RAB27A: variants seen among roughly 807,000 people sequenced by gnomAD.
The protein encoded by RAB27A is ras-related protein Rab-27A.
A neutral mutation model predicts 20.8 loss-of-function variants in RAB27A; 17 were observed. The observed-to-expected ratio is 0.82, with a 90% CI of 0.56 to 1.23. The LOEUF is 1.23. RAB27A is among the 50% of genes most tolerant of loss of function. The pLI is 0.00. For synonymous variants in RAB27A, 85 were observed against 92.8 expected, an observed-to-expected ratio of 0.92 and a Z score of 0.48; for missense variants, 277 against 266.7, an observed-to-expected ratio of 1.04 and a Z score of -0.27.
At chr15:55,221,043 C>G (rs967231610) in intron 6 of RAB27A, among the ~76,000 whole-genome samples, 1 of 152,140 alleles carries the variant, frequency 6.6e-6, no homozygotes, top group Non-Finnish European at 1.5e-5. Flanking sequence ...ACCATCGTGA[C>G]CTGGGCACAG....
chr15:55,319,118 A>G (rs2055100532), upstream of RAB27A: 2 of 1,078,768 alleles, frequency 1.9e-6, no homozygotes, highest in Non-Finnish European at 2.6e-6. Context: ...GTCGGGTGGG[A>G]GCTACGAAGT....
intron 1 of RAB27A, among the ~76,000 whole-genome samples, chr15:55,287,152 T>A (rs1898178587): frequency 6.6e-6 from 1 of 151,994 alleles, no homozygotes; most frequent in South Asian, 2.1e-4. Flanking sequence ...ACTCCTGACC[T>A]CACGTGATCC....
rs113795920 is a variant in RAB27A, at chr15:55,230,307, T to C, written c.239+94A>G. On this transcript the variant is annotated intron_variant, in intron 4 of 6. Coordinates refer to ENST00000336787, the MANE Select transcript of RAB27A (RefSeq NM_183235.3). ...CAGCATTCAAGTGCAAACCAACGAATTGGCTGGCTTTTTCCTGCTCAGGTC... is the reference window on the plus strand; with the variant it reads ...CAGCATTCAAGTGCAAACCAACGAACTGGCTGGCTTTTTCCTGCTCAGGTC... The C allele has an allele frequency of 9.2e-4, 1,130 of 1,227,510 alleles. 10 individuals are homozygous for C. The African/African-American group carries it at 0.014, about 15-fold the overall frequency. The allele number at this position is 1,227,510 out of a possible 1,614,324, so 76.0% of individuals were successfully genotyped here. A position where few individuals can be genotyped will look rare whatever the true frequency, so the allele number is the denominator to read the frequency against.
In RAB27A at chr15:55,307,188, G is replaced by A. The variant is rs1228470107; in HGVS notation, c.-112+6851C>T. Among the ~76,000 whole-genome samples the A allele has an allele frequency of 5.3e-5, 8 of 152,026 alleles. No homozygotes were observed. The South Asian group carries it at 1.2e-3, about 24-fold the overall frequency. ...TGGAATATTTCTTTTCCCTCCTCTC[G>A]GGGACAGGCTCCTTGTAATGTTTTA... On this transcript the variant is annotated intron_variant, in intron 2 of 5. Coordinates refer to the RAB27A transcript ENST00000563262.
intron 6 of RAB27A, among the ~76,000 whole-genome samples, chr15:55,219,459 G>C (rs1044951310): frequency 1.3e-5 from 2 of 152,186 alleles, no homozygotes; most frequent in African/African-American, 4.8e-5. Flanking sequence ...ATGCGTCTTT[G>C]ATAGGAACTC....
At chr15:55,249,236 T>C (rs1206450573) in intron 2 of RAB27A, among the ~76,000 whole-genome samples, 6 of 152,202 alleles carry the variant, frequency 3.9e-5, no homozygotes, top group African/African-American at 1.2e-4. Flanking sequence ...TCACTAAATG[T>C]GGTCTGCTTA....
At chr15:55,235,067 C>CA in intron 2 of RAB27A, 111 bp from the exon 3 acceptor site, 4 of 856,326 alleles carry the variant, frequency 4.7e-6, no homozygotes, top group Non-Finnish European at 7.3e-6. Flanking sequence ...ACCTGTATGT[C>CA]TACGGGTTGT....
chr15:55,309,800 T>C (rs2055012552), intron 2 of RAB27A, among the ~76,000 whole-genome samples: 2 of 152,052 alleles, frequency 1.3e-5, no homozygotes, highest in Non-Finnish European at 2.9e-5. Flanking sequence ...CCACTGTCCA[T>C]TGGGTTTCTG....
At chr15:55,214,346 G>C (rs550409798) in intron 6 of RAB27A, among the ~76,000 whole-genome samples, 48 of 152,322 alleles carry the variant, frequency 3.2e-4, no homozygotes, top group African/African-American at 1.2e-3. Context: ...TGAGGCAGGA[G>C]GATGGCATGA....
At chr15:55,244,307 T>A (rs1371748279) in intron 2 of RAB27A, among the ~76,000 whole-genome samples, 1 of 151,700 alleles carries the variant, frequency 6.6e-6, no homozygotes, top group African/African-American at 2.4e-5. Flanking sequence ...AGAGGGAGAC[T>A]CCATCTCAAA....
chr15:55,227,496 T>C (rs1895857660), intron 5 of RAB27A, among the ~76,000 whole-genome samples: 1 of 152,122 alleles, frequency 6.6e-6, no homozygotes, highest in African/African-American at 2.4e-5. Context: ...ATTACTATAT[T>C]TGGGGAACTC....
intron 2 of RAB27A, among the ~76,000 whole-genome samples, chr15:55,302,492 C>A (rs1469548690): frequency 6.6e-6 from 1 of 151,332 alleles, no homozygotes; most frequent in Non-Finnish European, 1.5e-5. Context: ...TGCCCGGCCG[C>A]CACCCCGTCT....
intron 1 of RAB27A, among the ~76,000 whole-genome samples, chr15:55,274,943 A>C (rs963369371): frequency 1.3e-5 from 2 of 151,236 alleles, no homozygotes; most frequent in Non-Finnish European, 3.0e-5. Context: ...GGTACAAAGA[A>C]TAATAAGAGA....
intron 1 of RAB27A, among the ~76,000 whole-genome samples, chr15:55,271,940 G>A (rs1897720635): frequency 6.6e-6 from 1 of 152,106 alleles, no homozygotes; most frequent in African/African-American, 2.4e-5. Flanking sequence ...TGGAATTTTC[G>A]TTTCACACCT....
intron 2 of RAB27A, chr15:55,238,243 T>G (rs944609618): frequency 3.3e-5 from 5 of 152,174 alleles, no homozygotes; most frequent in African/African-American, 1.2e-4. Context: ...AGAGGTAGAC[T>G]GATTTGCACG....
chr15:55,255,962 T>C (rs578079169), intron 2 of RAB27A, among the ~76,000 whole-genome samples: 45 of 152,208 alleles, frequency 3.0e-4, no homozygotes, highest in Admixed American at 1.2e-3. Flanking sequence ...GCCAGACAGC[T>C]TCCCCACACT....
At chr15:55,220,259 T>TTTTG (rs148320571) in intron 6 of RAB27A, among the ~76,000 whole-genome samples, 5 of 151,850 alleles carry the variant, frequency 3.3e-5, no homozygotes, top group African/African-American at 4.8e-5. Context: ...GTTTGTTTGT[T>TTTTG]TTTGTTTGTT....
intron 1 of RAB27A, among the ~76,000 whole-genome samples, chr15:55,288,470 A>C (rs967912314): frequency 3.3e-5 from 5 of 152,160 alleles, no homozygotes; most frequent in African/African-American, 1.2e-4. Flanking sequence ...GCTGTGAGCC[A>C]AGATCATGCC....
chr15:55,255,646 C>T lies in RAB27A; in HGVS notation c.-23+14519G>A, dbSNP rs186140612. Among the ~76,000 whole-genome samples, 57 of 152,186 alleles carry T rather than the reference C, an allele frequency of 3.7e-4. 1 individual carries two copies. The highest frequency in any genetic ancestry group is 1.1e-3 in the African/African-American group (47 of 41,520). On this transcript the variant is annotated intron_variant, in intron 2 of 6. Coordinates refer to ENST00000336787, the MANE Select transcript of RAB27A (RefSeq NM_183235.3). ...AGCTGTGCTTTTTTGATAATTAAAC[C>T]ATATTTACATCCAATTCAACAGTAT...
Sources: gnomAD v4.1 joint callset for allele counts (sites outside exome capture counted in the v4.1 genomes callset) on GRCh38, gnomAD v4.1.1 for gene constraint, MANE v1.5 for transcripts, NCBI Gene and HGNC (gene_info 2026-07-23, HGNC 2026-07-21) for gene names.